Variants in IGF1R observed in about 807,000 individuals in gnomAD.
The protein encoded by IGF1R is insulin like growth factor 1 receptor.
In IGF1R, 44 loss-of-function variants were observed where a neutral mutation model predicts 144.6. The observed-to-expected ratio is 0.30, with a 90% CI of 0.24 to 0.39. The LOEUF (loss-of-function observed/expected upper bound fraction) is 0.39, where lower values mean the gene tolerates loss of function less well. Among genes scored for constraint, IGF1R ranks in the 10% least tolerant of loss-of-function variants. IGF1R has a pLI of 1.00. For missense variants in IGF1R, 1,355 were observed against 1,833.7 expected, an observed-to-expected ratio of 0.74 and a Z score of 4.77; for synonymous variants, 795 against 722.8, an observed-to-expected ratio of 1.10 and a Z score of -1.60.
intron 7 of IGF1R, among the ~76,000 whole-genome samples, chr15:98,912,041 C>A (rs2139924): frequency 0.8 from 120,877 of 151,958 alleles, 48,412 homozygotes; most frequent in Middle Eastern, 0.84. Flanking sequence ...CATGACATTC[C>A]CCCATCTAAG....
rs61740868 is a variant in IGF1R, at chr15:98,957,074, C to T, written c.3736C>T (p.Arg1246Cys). 47 of 1,614,074 alleles carry T rather than the reference C, an allele frequency of 2.9e-5. No individual in the cohort carries two copies. The highest frequency in any genetic ancestry group is 1.6e-4 in the Middle Eastern group (1 of 6,084). The change falls in exon 21 of 21, where the codon CGC becomes TGC. Residue 1246 changes from arginine (R) to cysteine (C), a missense_variant. Physicochemically the swap from Arg to Cys is radical, Grantham distance 180. Transcript: ENST00000650285. ...NCPDMLFELM[R>C]MCWQYNPKMR... ...TCTTGGCTGCAGGTTTGAACTGATG[C>T]GCATGTGCTGGCAGTATAACCCCAA...
chr15:98,688,595 C>T (rs920691885), intron 1 of IGF1R, among the ~76,000 whole-genome samples: 2 of 152,152 alleles, frequency 1.3e-5, no homozygotes, highest in Admixed American at 1.3e-4. Flanking sequence ...CAGAGCTCTC[C>T]ACCTTGCCAT....
At chr15:98,956,963 A>ACG (rs2151737594) in intron 20 of IGF1R, 98 bp from the exon 21 acceptor site, 1 of 1,344,516 alleles carries the variant, frequency 7.4e-7, no homozygotes, top group East Asian at 2.3e-5. Flanking sequence ...CTCCCGCCGT[A>ACG]CGCTTGTATG....
At chr15:98,708,302 T>G (rs534062407) in intron 2 of IGF1R, among the ~76,000 whole-genome samples, 195 bp downstream of exon 2, 1 of 152,310 alleles carries the variant, frequency 6.6e-6, no homozygotes, top group Non-Finnish European at 1.5e-5. Flanking sequence ...CATCTGGGAC[T>G]CTTGGATTGC....
At chr15:98,698,061 T>G (rs2053637741) in intron 1 of IGF1R, among the ~76,000 whole-genome samples, 1 of 124,692 alleles carries the variant, frequency 8.0e-6, no homozygotes, top group African/African-American at 3.2e-5. Flanking sequence ...TTTTAAGAGA[T>G]GGAGTCTTGC....
chr15:98,741,339 C>CGT, intron 2 of IGF1R, among the ~76,000 whole-genome samples: 1 of 145,772 alleles, frequency 6.9e-6, no homozygotes, highest in Middle Eastern at 3.8e-3. Flanking sequence ...TTAGATGCTA[C>CGT]GTATAGAAGT....
chr15:98,766,490 A>T (rs1041448223), intron 2 of IGF1R, among the ~76,000 whole-genome samples: 1 of 152,210 alleles, frequency 6.6e-6, no homozygotes, highest in Non-Finnish European at 1.5e-5. Flanking sequence ...GATAAAAATA[A>T]TCATTACATT....
At chr15:98,763,856 T>C (rs1408336763) in intron 2 of IGF1R, among the ~76,000 whole-genome samples, 1 of 152,228 alleles carries the variant, frequency 6.6e-6, no homozygotes, top group African/African-American at 2.4e-5. Context: ...GCAGCTGCGA[T>C]GTCACCTTGC....
chr15:98,790,922 C>A (rs2056114153), intron 2 of IGF1R, among the ~76,000 whole-genome samples: 2 of 152,184 alleles, frequency 1.3e-5, no homozygotes, highest in African/African-American at 4.8e-5. Context: ...GTTGGTTAAT[C>A]AAAAAGATCA....
At chr15:98,911,511 C>T (rs2015018360) in intron 7 of IGF1R, 70 bp downstream of exon 7, 1 of 1,600,080 alleles carries the variant, frequency 6.2e-7, no homozygotes, top group Middle Eastern at 1.8e-4. Context: ...GTCTTTCGAT[C>T]CTTGAATGGG....
chr15:98,758,677 A>C (rs1372238364), intron 2 of IGF1R, among the ~76,000 whole-genome samples: 1 of 152,188 alleles, frequency 6.6e-6, no homozygotes, highest in Non-Finnish European at 1.5e-5. Flanking sequence ...ATGACCATGG[A>C]GAACTGTACC....
chr15:98,655,419 G>A (rs2052461510), intron 1 of IGF1R, among the ~76,000 whole-genome samples: 2 of 151,806 alleles, frequency 1.3e-5, no homozygotes, highest in African/African-American at 2.4e-5. Context: ...CACTGATGCC[G>A]GCTTTACTTA....
At chr15:98,902,158 C>A (rs2014512072) in intron 5 of IGF1R, among the ~76,000 whole-genome samples, 1 of 151,972 alleles carries the variant, frequency 6.6e-6, no homozygotes, top group African/African-American at 2.4e-5. Flanking sequence ...TCCTGATGTC[C>A]AAGTTGCACC....
Position 98,899,457 on chromosome 15 carries a change from A to C in IGF1R, c.1103-20A>C. ...TTACACCAAGTGAGCACACAGTGAC[A>C]CAATCCCCTTTCAATGTAGATAACA... On this transcript the variant is annotated intron_variant, in intron 4 of 20. Coordinates refer to ENST00000650285, the MANE Select transcript of IGF1R (RefSeq NM_000875.5). The C allele has an allele frequency of 6.2e-7, 1 of 1,613,726 alleles. No homozygotes were observed. The highest frequency in any genetic ancestry group is 8.5e-7 in the Non-Finnish European group (1 of 1,179,760).
At chr15:98,815,196 T>A (rs1485598562) in intron 2 of IGF1R, among the ~76,000 whole-genome samples, 1 of 152,270 alleles carries the variant, frequency 6.6e-6, no homozygotes, top group African/African-American at 2.4e-5. Flanking sequence ...CATAAGATGT[T>A]GTCATTTGGC....
intron 2 of IGF1R, among the ~76,000 whole-genome samples, chr15:98,824,403 C>T (rs1369107035): frequency 1.3e-5 from 2 of 152,170 alleles, no homozygotes; most frequent in Non-Finnish European, 2.9e-5. Context: ...TCAGCTTTTC[C>T]TTCCCTCCAA....
chr15:98,830,716 G>C (rs2056986755), intron 2 of IGF1R, among the ~76,000 whole-genome samples: 1 of 151,248 alleles, frequency 6.6e-6, no homozygotes, highest in South Asian at 2.1e-4. Context: ...CAATTCTCCT[G>C]CGTCAGCCTC....
intron 1 of IGF1R, among the ~76,000 whole-genome samples, chr15:98,705,754 G>A (rs559596871): frequency 6.6e-6 from 1 of 152,076 alleles, no homozygotes; most frequent in Non-Finnish European, 1.5e-5. Context: ...TCCTGCACTG[G>A]GCCACCAGAT....
intron 2 of IGF1R, among the ~76,000 whole-genome samples, chr15:98,884,316 G>A (rs1289491026): frequency 6.6e-6 from 1 of 152,084 alleles, no homozygotes; most frequent in African/African-American, 2.4e-5. Context: ...CACACAAACT[G>A]CACGCCAGGC....
Sources: allele counts gnomAD v4.1 joint callset (sites outside exome capture counted in the v4.1 genomes callset), GRCh38; gene constraint gnomAD v4.1.1; transcripts MANE v1.5; gene names NCBI Gene and HGNC (gene_info 2026-07-23, HGNC 2026-07-21).